CEP170B: variants seen among roughly 807,000 people sequenced by gnomAD.
CEP170B encodes the protein centrosomal protein of 170 kDa protein B.
A neutral mutation model predicts 120.6 loss-of-function variants in CEP170B; 55 were observed. The observed-to-expected ratio is 0.46, with a 90% CI of 0.37 to 0.57. CEP170B has a LOEUF of 0.57. Ranked by LOEUF, CEP170B falls within the 20% of genes least tolerant of loss-of-function variation. The probability of loss-of-function intolerance (pLI) is 0.00; values close to 1 mark genes in which losing one functional copy is unlikely to be tolerated. For missense variants in CEP170B, 2,212 were observed against 2,253.3 expected (o/e 0.98, Z 0.37); for synonymous variants, 1,033 against 954.5 (o/e 1.08, Z -1.52).
In CEP170B at chr14:104,893,606, C is replaced by T; in HGVS notation, c.4122C>T (p.Asn1374=). The change falls in exon 15 of 19, where the codon AAC becomes AAT. Residue 1374 remains asparagine, a synonymous_variant. Transcript: ENST00000414716. ...TGAACTCTCGGGACTTTGACCAGAA[C>T]ATGAACGACAGCTGTGAGGACGCCC... The part of the protein sequence containing the change: ...GSLNSRDFDQ[N]MNDSCEDALA... 1.2e-6 allele frequency: 2 copies of T among 1,601,114 alleles called. No homozygotes were observed. Among genetic ancestry groups the T allele is most frequent in the Non-Finnish European group, 1.7e-6 (2 of 1,175,066 alleles).
At chr14:104,869,807 C>T (rs1000534006) in intron 2 of CEP170B, among the ~76,000 whole-genome samples, 8 of 152,192 alleles carry the variant, frequency 5.3e-5, no homozygotes, top group African/African-American at 1.4e-4. Flanking sequence ...AATTGGCCGG[C>T]GCCTAGATCT....
In CEP170B at chr14:104,874,980, T is replaced by G. The variant is rs560817727; in HGVS notation, c.106-1276T>G. On this transcript the variant is annotated intron_variant, in intron 2 of 18. Coordinates refer to ENST00000414716, the MANE Select transcript of CEP170B (RefSeq NM_001112726.3). The stretch of plus-strand genomic sequence containing the variant: ...CCCAACTAGCCCCTGCTGTGTGATC[T>G]CCTCTCTGAGTTAGGAAGGAGGCCC... Among the ~76,000 whole-genome samples, 182 of 152,302 alleles carry G rather than the reference T, an allele frequency of 1.2e-3. 1 individual carries two copies. Among genetic ancestry groups the G allele is most frequent in the African/African-American group, 4.3e-3 (177 of 41,564 alleles).
At chr14:104,882,906 T>C in intron 7 of CEP170B, 74 bp downstream of exon 7, 1 of 1,509,504 alleles carries the variant, frequency 6.6e-7, no homozygotes. Context: ...TGGCCTGGGC[T>C]TGAGGAGCCC....
At chr14:104,866,180 G>A (rs1432418867) in intron 1 of CEP170B, among the ~76,000 whole-genome samples, 1 of 152,230 alleles carries the variant, frequency 6.6e-6, no homozygotes, top group Non-Finnish European at 1.5e-5. Context: ...GAGCGTCGCG[G>A]GCTCCCAGGC....
At chr14:104,874,259 C>G (rs542862991) in intron 2 of CEP170B, among the ~76,000 whole-genome samples, 1 of 152,318 alleles carries the variant, frequency 6.6e-6, no homozygotes, top group Non-Finnish European at 1.5e-5. Flanking sequence ...CCAGGATCCT[C>G]CCCCAACCCC....
Position 104,883,843 on chromosome 14 carries a change from A to T in CEP170B, c.1064A>T (p.Glu355Val). The part of the protein sequence containing the change: ...HTRTLKGHKH[E>V]DGTQSDSEDP... ...CTGTCTCCCCCAGGCCACAAGCACG[A>T]GGACGGCACGCAGAGTGACTCAGAG... Residue 355 changes from glutamate to valine, a missense_variant, in exon 9 of 19, where the codon GAG becomes GTG. Transcript: ENST00000414716. 6.4e-7 allele frequency: 1 copy of T among 1,558,264 alleles called. No individual in the cohort carries two copies. Among genetic ancestry groups the T allele is most frequent in the Non-Finnish European group, 8.7e-7 (1 of 1,151,974 alleles).
chr14:104,880,364 C>T lies in CEP170B; in HGVS notation c.411C>T (p.His137=), dbSNP rs778194664. The T allele has an allele frequency of 1.9e-6, 3 of 1,612,652 alleles. No homozygotes were observed. The highest frequency in any genetic ancestry group is 1.1e-5 in the South Asian group (1 of 90,992). Residue 137 remains histidine, a synonymous_variant, in exon 6 of 19, where the codon CAC becomes CAT. Coordinates refer to ENST00000414716, the MANE Select transcript of CEP170B (RefSeq NM_001112726.3). ...AGAGGAGCGAGGCACTGCCGGAACA[C>T]ACACCATACTGCGAGGCCTCGAACC... is the stretch of plus-strand genomic sequence containing the variant. ...APKRSEALPE[H]TPYCEASNPR...
intron 6 of CEP170B, among the ~76,000 whole-genome samples, chr14:104,881,492 G>T (rs1896154060): frequency 1.3e-5 from 2 of 152,232 alleles, no homozygotes; most frequent in South Asian, 4.1e-4. Context: ...TGGTTGGGAT[G>T]CAGGTCCGCC....
intron 2 of CEP170B, among the ~76,000 whole-genome samples, chr14:104,872,043 G>A (rs1185802654): frequency 2.0e-5 from 3 of 152,238 alleles, no homozygotes; most frequent in Admixed American, 6.5e-5. Flanking sequence ...ACGCAGGAAC[G>A]TGGACCCAGG....
chr14:104,882,650 C>T (rs1050132105), intron 6 of CEP170B, 78 bp from the exon 7 acceptor site: 44 of 1,221,200 alleles, frequency 3.6e-5, no homozygotes, highest in South Asian at 1.0e-4. Context: ...AGTCCAGCCT[C>T]TCCTGGGCTG....
In CEP170B at chr14:104,868,450, G is replaced by A. The variant is rs1189179977; in HGVS notation, c.-1G>A. On this transcript the variant is annotated 5_prime_UTR_variant, in exon 2 of 19. Coordinates refer to ENST00000414716, the MANE Select transcript of CEP170B (RefSeq NM_001112726.3). This position sits in a 1 kb window ranked among gnomAD's most constrained non-coding sequence, Gnocchi z 5.9. Reference sequence around the variant, plus strand: ...GCCAGACGGGCCCAGCCAGCACCAAGATGAGTGCCACGTCCTGGTTCCTGG... The same window carrying A: ...GCCAGACGGGCCCAGCCAGCACCAAAATGAGTGCCACGTCCTGGTTCCTGG... 4 of 1,548,444 alleles carry A rather than the reference G, an allele frequency of 2.6e-6. No individual in the cohort carries two copies. The highest frequency in any genetic ancestry group is 3.5e-6 in the Non-Finnish European group (4 of 1,146,896).
chr14:104,879,770 G>C lies in CEP170B; in HGVS notation c.334-517G>C, dbSNP rs544857536. ...CGCACAGCCGGGGCCCCTGTGGGGG[G>C]CGTGAGGGTCCTAGGTGGGAACGGC... On this transcript the variant is annotated intron_variant, in intron 5 of 18. Transcript: ENST00000414716. 2.0e-5 allele frequency among the ~76,000 whole-genome samples: 3 copies of C among 152,326 alleles called. No individual in the cohort carries two copies. In the South Asian group the frequency reaches 6.2e-4, roughly 32 times the overall value.
Position 104,893,717 on chromosome 14 carries a change from G to T in CEP170B, c.4183-44G>T, listed in dbSNP as rs762590348. The T allele has an allele frequency of 8.8e-6, 14 of 1,587,394 alleles. No individual in the cohort carries two copies. The Admixed American group carries it at 2.5e-4, about 28-fold the overall frequency. On this transcript the variant is annotated intron_variant, in intron 15 of 18. Coordinates refer to ENST00000414716, the MANE Select transcript of CEP170B (RefSeq NM_001112726.3). ...GCTGGGTGTGGGGGGAGCAGGGGCG[G>T]GGCTCCTCGAGGGCGGGGCCATGCT...
intron 3 of CEP170B, among the ~76,000 whole-genome samples, chr14:104,877,555 G>C (rs1895922546): frequency 1.3e-5 from 2 of 152,230 alleles, no homozygotes; most frequent in Non-Finnish European, 2.9e-5. Context: ...GCTGGGGCCA[G>C]CACGAGGCTG....
chr14:104,888,914 G>A (rs867592236), intron 12 of CEP170B, among the ~76,000 whole-genome samples: 6 of 152,354 alleles, frequency 3.9e-5, no homozygotes, highest in South Asian at 2.1e-4. Context: ...CCTACCCGAC[G>A]TGGTGCACTG....
Position 104,896,364 on chromosome 14 carries a change from C to A in CEP170B, c.*1406C>A. The A allele has an allele frequency of 2.9e-6, 1 of 340,626 alleles. No individual in the cohort carries two copies. The highest frequency in any genetic ancestry group is 3.9e-5 in the Admixed American group (1 of 25,552). The allele number at this position is 340,626 out of a possible 1,614,324, so 21.1% of individuals were successfully genotyped here. ...GGGTGGCAGGTGTCCCCCCCTGGTC[C>A]CCGCCCCAAGAGCCTGCTGTCTGTA... On this transcript the variant is annotated 3_prime_UTR_variant, in exon 19 of 19. Transcript: ENST00000414716.
At chr14:104,880,038 G>C (rs929987268) in intron 5 of CEP170B, among the ~76,000 whole-genome samples, 1 of 152,116 alleles carries the variant, frequency 6.6e-6, no homozygotes, top group Non-Finnish European at 1.5e-5. Flanking sequence ...AGCCTGCTCT[G>C]TCCTGCCCCA....
chr14:104,875,427 C>T (rs1490439017), intron 2 of CEP170B, among the ~76,000 whole-genome samples: 2 of 152,120 alleles, frequency 1.3e-5, no homozygotes, highest in Non-Finnish European at 2.9e-5. Flanking sequence ...ATCCCCAGGC[C>T]TGTGGCTCCT....
At chr14:104,873,325 G>T (rs1481856925) in intron 2 of CEP170B, among the ~76,000 whole-genome samples, 1 of 151,902 alleles carries the variant, frequency 6.6e-6, no homozygotes, top group Non-Finnish European at 1.5e-5. Context: ...GGTGCAGGCA[G>T]GGGAGGGGGC....
Sources: allele counts gnomAD v4.1 joint callset (sites outside exome capture counted in the v4.1 genomes callset), GRCh38; gene constraint gnomAD v4.1.1; non-coding constraint Gnocchi (gnomAD v3.1); transcripts MANE v1.5; gene names NCBI Gene and HGNC (gene_info 2026-07-23, HGNC 2026-07-21).